GLRA3: variants seen among roughly 807,000 people sequenced by gnomAD.
GLRA3 encodes glycine receptor alpha 3.
Under a neutral mutation model 60.4 loss-of-function variants are expected in GLRA3, and 44 were observed. The observed-to-expected ratio is 0.73, with a 90% CI of 0.57 to 0.94. GLRA3 has a LOEUF of 0.94. Among genes scored for constraint, GLRA3 ranks in the 40% least tolerant of loss-of-function variants. GLRA3 has a pLI of 0.00. For synonymous variants in GLRA3, 223 were observed against 192.9 expected (o/e 1.16, Z -1.29); for missense variants, 508 against 564.6 (o/e 0.90, Z 1.02).
intron 2 of GLRA3, among the ~76,000 whole-genome samples, chr4:174,767,889 T>C (rs1188450731): frequency 6.6e-6 from 1 of 152,170 alleles, no homozygotes; most frequent in Non-Finnish European, 1.5e-5. Context: ...CAGAGCTGCC[T>C]AAGAACATAG....
chr4:174,779,514 T>G (rs1286321638), intron 2 of GLRA3, among the ~76,000 whole-genome samples: 1 of 152,104 alleles, frequency 6.6e-6, no homozygotes, highest in Non-Finnish European at 1.5e-5. Flanking sequence ...CAAATTACTC[T>G]GAGCTAAGGG....
At chr4:174,754,575 C>A (rs2029571) in intron 3 of GLRA3, among the ~76,000 whole-genome samples, 144,054 of 152,188 alleles carry the variant, frequency 0.95, 68,656 homozygotes, top group East Asian at 1. Context: ...TGAATGACAT[C>A]GGAATAGCCA....
intron 8 of GLRA3, among the ~76,000 whole-genome samples, chr4:174,657,745 A>C (rs767063726): frequency 2.4e-4 from 37 of 152,178 alleles, no homozygotes; most frequent in Non-Finnish European, 4.7e-4. Context: ...AGGTGAGGGA[A>C]GAAGATAAAG....
At chr4:174,710,435 C>A in intron 5 of GLRA3, among the ~76,000 whole-genome samples, 1 of 152,166 alleles carries the variant, frequency 6.6e-6, no homozygotes, top group Middle Eastern at 3.4e-3. Context: ...AGCTAAATAT[C>A]CAGTTCTCCC....
chr4:174,686,726 T>C (rs1353762913), intron 5 of GLRA3, among the ~76,000 whole-genome samples: 1 of 152,122 alleles, frequency 6.6e-6, no homozygotes, highest in African/African-American at 2.4e-5. Flanking sequence ...AGGGGCTTCA[T>C]ATAAAGTATG....
intron 3 of GLRA3, among the ~76,000 whole-genome samples, chr4:174,745,869 A>G (rs1737224305): frequency 1.3e-5 from 2 of 152,166 alleles, no homozygotes; most frequent in Non-Finnish European, 2.9e-5. Context: ...AAGAAGACAC[A>G]GAAGTGGCCA....
Position 174,699,155 on chromosome 4 carries a change from G to A in GLRA3, c.575-16216C>T, listed in dbSNP as rs193158458. On this transcript the variant is annotated intron_variant, in intron 5 of 9. Transcript: ENST00000274093. ...TGGGACTACAGGCGTATGTCACCAC[G>A]CCTGGCTAATTTTTTTTGTATTTTT... Among the ~76,000 whole-genome samples, 303 of 151,934 alleles carry A rather than the reference G, an allele frequency of 2.0e-3. 1 individual carries two copies. The highest frequency in any genetic ancestry group is 7.0e-3 in the African/African-American group (290 of 41,448).
intron 5 of GLRA3, among the ~76,000 whole-genome samples, chr4:174,709,574 A>G (rs1735634780): frequency 6.6e-6 from 1 of 152,052 alleles, no homozygotes. Flanking sequence ...CATTTATAGT[A>G]TTTATCCCAG....
At chr4:174,781,669 A>T (rs1374887717) in intron 2 of GLRA3, among the ~76,000 whole-genome samples, 1 of 150,984 alleles carries the variant, frequency 6.6e-6, no homozygotes, top group Non-Finnish European at 1.5e-5. Flanking sequence ...AACTACCATC[A>T]GAGAATACTA....
intron 5 of GLRA3, among the ~76,000 whole-genome samples, chr4:174,696,422 G>A (rs1426426152): frequency 7.3e-5 from 11 of 149,800 alleles, no homozygotes; most frequent in Admixed American, 1.3e-4. Context: ...AAGTTGAAAC[G>A]TGAATAACAT....
intron 7 of GLRA3, among the ~76,000 whole-genome samples, chr4:174,666,614 G>C (rs1468539296): frequency 6.6e-6 from 1 of 151,444 alleles, no homozygotes; most frequent in African/African-American, 2.4e-5. Flanking sequence ...TTAGGAAAAG[G>C]AATATAAGCA....
At position 174,643,662 on chromosome 4, in the gene GLRA3, C is replaced by T. The variant is rs2110835492; in HGVS notation, c.*124G>A. 1 of 1,412,656 alleles carries T rather than the reference C, an allele frequency of 7.1e-7. No individual in the cohort carries two copies. The highest frequency in any genetic ancestry group is 9.3e-7 in the Non-Finnish European group (1 of 1,079,796). 87.5% of individuals were successfully genotyped at this position (1,412,656 alleles called of 1,614,324 possible). A position where few individuals can be genotyped will look rare whatever the true frequency, so the allele number is the denominator to read the frequency against. On this transcript the variant is annotated 3_prime_UTR_variant, in exon 10 of 10. Coordinates refer to ENST00000274093, the MANE Select transcript of GLRA3 (RefSeq NM_006529.4). ...TAGCTAACCAAAATACAAAGCTTTT[C>T]CATATGCCATTTTAATACAATGGTC...
intron 7 of GLRA3, among the ~76,000 whole-genome samples, chr4:174,660,407 A>C (rs1470150129): frequency 6.6e-6 from 1 of 152,024 alleles, no homozygotes; most frequent in African/African-American, 2.4e-5. Flanking sequence ...TTATTTTCTA[A>C]AGTTTGCCTG....
intron 3 of GLRA3, among the ~76,000 whole-genome samples, chr4:174,758,279 A>G (rs1462050118): frequency 2.0e-5 from 3 of 152,178 alleles, no homozygotes; most frequent in South Asian, 2.1e-4. Flanking sequence ...GACAGATACC[A>G]CCTCAGGGCT....
intron 6 of GLRA3, 110 bp from the exon 7 acceptor site, chr4:174,677,402 C>A: frequency 3.0e-6 from 2 of 657,572 alleles, no homozygotes; most frequent in Non-Finnish European, 5.4e-6. Flanking sequence ...CTCTGTCCCC[C>A]AGGCTGGAGT....
chr4:174,657,647 G>A (rs1009940785), intron 8 of GLRA3, among the ~76,000 whole-genome samples: 7 of 151,902 alleles, frequency 4.6e-5, no homozygotes, highest in African/African-American at 1.2e-4. Flanking sequence ...GAAAGTAGGC[G>A]GTGGAGAGGG....
intron 5 of GLRA3, among the ~76,000 whole-genome samples, chr4:174,683,356 T>C (rs934563616): frequency 1.4e-5 from 2 of 146,046 alleles, no homozygotes; most frequent in African/African-American, 2.5e-5. Flanking sequence ...AGAAAATGAC[T>C]TTTTTTTTTT....
chr4:174,822,888 C>T (rs767101151), intron 1 of GLRA3, among the ~76,000 whole-genome samples: 1 of 152,108 alleles, frequency 6.6e-6, no homozygotes, highest in Non-Finnish European at 1.5e-5. Context: ...ATACTTCCTC[C>T]TAAAAGCATC....
chr4:174,714,272 T>C (rs757874333), intron 5 of GLRA3, among the ~76,000 whole-genome samples: 5 of 152,158 alleles, frequency 3.3e-5, no homozygotes, highest in African/African-American at 1.2e-4. Flanking sequence ...GCCCTAAATG[T>C]ACTTAATTTT....
Sources: allele counts gnomAD v4.1 joint callset (sites outside exome capture counted in the v4.1 genomes callset), GRCh38; gene constraint gnomAD v4.1.1; transcripts MANE v1.5; gene names NCBI Gene and HGNC (gene_info 2026-07-23, HGNC 2026-07-21).